The following DPH6 variants were observed in gnomAD, a reference collection of about 807,000 sequenced individuals.
DPH6 encodes diphthine--ammonia ligase.
Under a neutral mutation model 38.2 loss-of-function variants are expected in DPH6, and 33 were observed. The ratio of observed to expected loss-of-function variants is 0.86; its 90% CI spans 0.65 to 1.15. The LOEUF is 1.15. Among genes scored for constraint, DPH6 ranks in the 50% most tolerant of loss-of-function variants. DPH6 has a pLI of 0.00. For missense variants in DPH6, 325 were observed against 320.0 expected, an observed-to-expected ratio of 1.02 and a Z score of -0.12; for synonymous variants, 108 against 103.0, an observed-to-expected ratio of 1.05 and a Z score of -0.30.
the DPH6 span, among the ~76,000 whole-genome samples, chr15:35,204,628 T>G: frequency 1.3e-5 from 2 of 151,680 alleles, no homozygotes; most frequent in African/African-American, 4.8e-5. Flanking sequence ...GATAAGAACT[T>G]TCATGAGAAA....
At chr15:35,437,453 G>A (rs1486520348) in intron 5 of DPH6, among the ~76,000 whole-genome samples, 3 of 152,202 alleles carry the variant, frequency 2.0e-5, no homozygotes, top group Non-Finnish European at 4.4e-5. Context: ...TGAGCTTGGA[G>A]GAAGGGAACC....
intron 6 of DPH6, among the ~76,000 whole-genome samples, chr15:35,393,128 A>G (rs568714338): frequency 6.6e-6 from 1 of 152,320 alleles, no homozygotes; most frequent in East Asian, 1.9e-4. Context: ...TTTTGGATGA[A>G]TGATGGAGAA....
Position 35,256,005 on chromosome 15 carries a change from T to G in DPH6, n.201-35423A>C, listed in dbSNP as rs113718470. On this transcript the variant is annotated intron_variant and non_coding_transcript_variant, in intron 3 of 3. Transcript: ENST00000560386. ...TATAATATACATATTTGTTTGAATA[T>G]ATATACACACCTATATAACATATAT... is the stretch of plus-strand genomic sequence containing the variant. Among the ~76,000 whole-genome samples the G allele has an allele frequency of 3.7e-3, 566 of 152,108 alleles. 6 individuals carry two copies. Among genetic ancestry groups the G allele is most frequent in the African/African-American group, 0.013 (546 of 41,536 alleles).
chr15:35,421,754 G>C (rs1322895035), intron 5 of DPH6, among the ~76,000 whole-genome samples: 1 of 151,988 alleles, frequency 6.6e-6, no homozygotes, highest in African/African-American at 2.4e-5. Context: ...TCATTTTAAG[G>C]AGTTTATGCT....
intron 3 of DPH6, among the ~76,000 whole-genome samples, chr15:35,348,133 C>A (rs892239397): frequency 6.6e-6 from 1 of 152,042 alleles, no homozygotes; most frequent in Non-Finnish European, 1.5e-5. Flanking sequence ...TCATTTGCTG[C>A]ACCAAAGTTT....
chr15:35,260,063 C>T (rs1021246623), intron 3 of DPH6, among the ~76,000 whole-genome samples: 3 of 152,116 alleles, frequency 2.0e-5, no homozygotes, highest in Non-Finnish European at 4.4e-5. Context: ...AATGTTCATG[C>T]CACCATGCAT....
chr15:35,206,787 T>C, the DPH6 span, among the ~76,000 whole-genome samples: 1 of 152,168 alleles, frequency 6.6e-6, no homozygotes, highest in Non-Finnish European at 1.5e-5. Flanking sequence ...AATTCAGAAC[T>C]CAGAGTCCTT....
chr15:35,266,313 A>G (rs193233402), intron 3 of DPH6, among the ~76,000 whole-genome samples: 21 of 152,204 alleles, frequency 1.4e-4, no homozygotes, highest in Non-Finnish European at 2.2e-4. Context: ...CATATATGGT[A>G]TATATAAACA....
chr15:35,523,765 A>T (rs2054958373), intron 3 of DPH6, among the ~76,000 whole-genome samples: 2 of 152,124 alleles, frequency 1.3e-5, no homozygotes. Context: ...CAAGTTCCTC[A>T]TGCTATTATC....
intron 4 of DPH6, among the ~76,000 whole-genome samples, chr15:35,452,301 A>C (rs1241139158): frequency 6.6e-6 from 1 of 152,212 alleles, no homozygotes; most frequent in Non-Finnish European, 1.5e-5. Flanking sequence ...GCCTGGATAA[A>C]ACAGGTATTC....
At chr15:35,409,558 A>G (rs1381795747) in intron 6 of DPH6, among the ~76,000 whole-genome samples, 1 of 152,028 alleles carries the variant, frequency 6.6e-6, no homozygotes. Context: ...TTATGACTTC[A>G]AATTTCGGAA....
intron 5 of DPH6, among the ~76,000 whole-genome samples, chr15:35,445,822 G>A (rs1409795561): frequency 2.0e-5 from 3 of 152,194 alleles, no homozygotes. Flanking sequence ...CATTGCCACT[G>A]CGGTGAGCTC....
intron 3 of DPH6, among the ~76,000 whole-genome samples, chr15:35,537,194 G>C (rs956906021): frequency 3.3e-5 from 5 of 152,044 alleles, no homozygotes; most frequent in African/African-American, 1.2e-4. Flanking sequence ...CATTTAAGTA[G>C]CTACTTGAAA....
chr15:35,513,556 T>A (rs1242756922), intron 3 of DPH6, among the ~76,000 whole-genome samples: 1 of 152,028 alleles, frequency 6.6e-6, no homozygotes, highest in African/African-American at 2.4e-5. Context: ...CCAATGTTAT[T>A]TTTACTATGC....
chr15:35,285,872 G>GTTTTTTTTTTT lies in DPH6; in HGVS notation n.201-65301_201-65291dup, dbSNP rs67243158. Among the ~76,000 whole-genome samples, 68 of 52,812 alleles carry GTTTTTTTTTTT rather than the reference G, an allele frequency of 1.3e-3. 18 individuals are homozygous for GTTTTTTTTTTT. Among genetic ancestry groups the GTTTTTTTTTTT allele is most frequent in the Middle Eastern group, 0.021 (1 of 48 alleles). The allele number at this position is 52,812 out of a possible 152,430, so 34.6% of individuals were successfully genotyped here. ...GACTCAATTATCATTTTATCTTTGA[G>GTTTTTTTTTTT]TTTTTTTTTTTTTTTTTACCTGAGA... On this transcript the variant is annotated intron_variant and non_coding_transcript_variant, in intron 3 of 3. Transcript: ENST00000560386.
intron 8 of DPH6, 52 bp from the exon 9 acceptor site, chr15:35,372,255 T>C: frequency 7.3e-7 from 1 of 1,365,568 alleles, no homozygotes; most frequent in Non-Finnish European, 9.7e-7. Flanking sequence ...ATTTATTCAG[T>C]GTCAGTGAAT....
the DPH6 span, among the ~76,000 whole-genome samples, chr15:35,153,941 T>C: frequency 9.2e-4 from 140 of 151,826 alleles, no homozygotes; most frequent in African/African-American, 3.2e-3. Flanking sequence ...AGTAGAAAAA[T>C]TGGGGAAGGC....
intron 5 of DPH6, among the ~76,000 whole-genome samples, chr15:35,432,984 G>T (rs2053651229): frequency 6.6e-6 from 1 of 152,004 alleles, no homozygotes; most frequent in African/African-American, 2.4e-5. Flanking sequence ...ATTTACCCAT[G>T]TAACAAACCT....
intron 6 of DPH6, among the ~76,000 whole-genome samples, chr15:35,409,641 A>G (rs2053339171): frequency 6.6e-6 from 1 of 152,046 alleles, no homozygotes; most frequent in East Asian, 1.9e-4. Flanking sequence ...CATTTCCATA[A>G]ATTTATACAA....
Sources: allele counts gnomAD v4.1 joint callset (sites outside exome capture counted in the v4.1 genomes callset), GRCh38; gene constraint gnomAD v4.1.1; transcripts MANE v1.5; gene names NCBI Gene and HGNC (gene_info 2026-07-23, HGNC 2026-07-21).